LCK: variants seen among roughly 807,000 people sequenced by gnomAD.
LCK encodes LCK proto-oncogene, Src family tyrosine kinase.
Under a neutral mutation model 64.6 loss-of-function variants are expected in LCK, and 14 were observed. The observed-to-expected ratio is 0.22, with a 90% CI of 0.14 to 0.34. LCK has a LOEUF of 0.34. Ranked by LOEUF, LCK falls within the 10% of genes least tolerant of loss-of-function variation. The pLI, the probability that LCK is intolerant of heterozygous loss-of-function variation, is 1.00. For synonymous variants in LCK, 277 were observed against 263.6 expected (o/e 1.05, Z -0.49); for missense variants, 434 against 668.1 (o/e 0.65, Z 3.86).
intron 1 of LCK, among the ~76,000 whole-genome samples, chr1:32,270,760 A>G (rs1157264240): frequency 1.7e-5 from 2 of 116,828 alleles, no homozygotes; most frequent in Non-Finnish European, 3.4e-5. Context: ...CTGGAGTGCA[A>G]TGGCGCAATT....
chr1:32,269,731 C>T (rs951780427), intron 1 of LCK: 1 of 151,776 alleles, frequency 6.6e-6, no homozygotes, highest in Admixed American at 6.6e-5. Flanking sequence ...CGCGCCCAGC[C>T]GAGACTCTAT....
chr1:32,285,130 C>T (rs1283433069), intron 12 of LCK, among the ~76,000 whole-genome samples: 2 of 151,908 alleles, frequency 1.3e-5, no homozygotes, highest in East Asian at 1.9e-4. Flanking sequence ...TGGAGAAACC[C>T]GTCTCTACTA....
At chr1:32,269,738 CTATT>C (rs1265941303) in intron 1 of LCK, 1 of 151,530 alleles carries the variant, frequency 6.6e-6, no homozygotes, top group East Asian at 2.0e-4. Context: ...AGCCGAGACT[CTATT>C]AAAAAAAGAA....
intron 1 of LCK, among the ~76,000 whole-genome samples, chr1:32,252,498 T>A (rs6425795): frequency 0.13 from 19,573 of 152,216 alleles, 2,249 homozygotes; most frequent in African/African-American, 0.28. Flanking sequence ...CCTAGTCAGC[T>A]GGTCCCAGCC....
chr1:32,272,587 A>AAGAGAGAGAGAGAGAGAC (rs1165086234), intron 1 of LCK, among the ~76,000 whole-genome samples: 1 of 131,768 alleles, frequency 7.6e-6, no homozygotes, highest in East Asian at 2.2e-4. Context: ...GAGAGAGAGA[A>AAGAGAGAGAGAGAGAGAC]AGAGAGAGAG....
At chr1:32,270,022 G>A (rs1640033650) in intron 1 of LCK, among the ~76,000 whole-genome samples, 1 of 152,162 alleles carries the variant, frequency 6.6e-6, no homozygotes. Flanking sequence ...CTCTAACTAT[G>A]GGGACAGTCT....
At chr1:32,252,598 AC>A (rs1639534084) in intron 1 of LCK, among the ~76,000 whole-genome samples, 1 of 151,942 alleles carries the variant, frequency 6.6e-6, no homozygotes, top group African/African-American at 2.4e-5. Flanking sequence ...AGGGTCATTC[AC>A]CCTGGACAGG....
Position 32,268,497 on chromosome 1 carries a change from A to T in LCK, c.-5-5828A>T, listed in dbSNP as rs151052227. On this transcript the variant is annotated intron_variant, in intron 1 of 12. Coordinates refer to ENST00000336890, the MANE Select transcript of LCK (RefSeq NM_005356.5). ...CCAGCTAGTTTTTATAATAATAATA[A>T]TAATAAGAGGCTTGCTTGAGGTGAT... 4.0e-5 allele frequency among the ~76,000 whole-genome samples: 6 copies of T among 151,770 alleles called. No individual in the cohort carries two copies. In the East Asian group the frequency reaches 1.2e-3, roughly 29 times the overall value.
chr1:32,259,560 C>T (rs1300564482), intron 1 of LCK, among the ~76,000 whole-genome samples: 1 of 151,446 alleles, frequency 6.6e-6, no homozygotes. Flanking sequence ...GCAGAGGTTG[C>T]AGTGAGCCGA....
In LCK at chr1:32,275,743, G is replaced by T; in HGVS notation, c.481+71G>T. The T allele has an allele frequency of 6.9e-7, 1 of 1,443,734 alleles. No individual in the cohort carries two copies. The allele number at this position is 1,443,734 out of a possible 1,614,324, so 89.4% of individuals were successfully genotyped here. A position where few individuals can be genotyped will look rare whatever the true frequency, so the allele number is the denominator to read the frequency against. ...GTGCCCGAGGGGGGGCGCAGGGTGA[G>T]CCCGAGGTGGAGACACGGGGTGAGT... On this transcript the variant is annotated intron_variant, in intron 6 of 12. Transcript: ENST00000336890. The surrounding 1 kb of genome is among the most constrained non-coding windows in gnomAD (Gnocchi z 6.9).
intron 1 of LCK, among the ~76,000 whole-genome samples, chr1:32,266,631 ACCT>A (rs954829788): frequency 5.7e-5 from 3 of 52,360 alleles, no homozygotes; most frequent in Admixed American, 2.1e-4. Context: ...CTCCTCCTTC[ACCT>A]CCTCCTCCTC....
In LCK at chr1:32,276,841, C is replaced by A; in HGVS notation, c.964+55C>A. ...GATACTGCTCTCCCTGCTGTCCCTG[C>A]CAGAGGGTGGAAATACACCTTTTCT... On this transcript the variant is annotated intron_variant, in intron 9 of 12. Coordinates refer to ENST00000336890, the MANE Select transcript of LCK (RefSeq NM_005356.5). The surrounding 1 kb of genome is among the most constrained non-coding windows in gnomAD (Gnocchi z 4.6). The A allele has an allele frequency of 6.8e-7, 1 of 1,473,698 alleles. No homozygotes were observed. Among genetic ancestry groups the A allele is most frequent in the Non-Finnish European group, 9.1e-7 (1 of 1,096,750 alleles). 91.3% of individuals were successfully genotyped at this position (1,473,698 alleles called of 1,614,324 possible).
At chr1:32,273,492 T>C (rs1192831621) in intron 1 of LCK, among the ~76,000 whole-genome samples, 2 of 151,798 alleles carry the variant, frequency 1.3e-5, no homozygotes, top group East Asian at 3.9e-4. Context: ...GAATGCATGG[T>C]ACATTAAACT....
Position 32,275,070 on chromosome 1 carries a change from C to G in LCK, c.265C>G (p.Arg89Gly). The G allele has an allele frequency of 6.2e-7, 1 of 1,612,164 alleles. No individual in the cohort carries two copies. Among genetic ancestry groups the G allele is most frequent in the Non-Finnish European group, 8.5e-7 (1 of 1,178,572 alleles). ...DLGFEKGEQL[R>G]ILEQSGEWWK... is the part of the protein sequence containing the mutation. ...GGGCTTTGAGAAGGGGGAACAGCTC[C>G]GCATCCTGGAGCAGTGAGTCCCTCT... Residue 89 changes from arginine to glycine, a missense_variant, in exon 4 of 13, where the codon CGC (arginine) becomes GGC (glycine). Physicochemically the swap from Arg to Gly is moderately radical, Grantham distance 125. This residue lies in a region of LCK where 233 missense variants were observed against 291.2 expected (regional missense o/e 0.80). Coordinates refer to ENST00000336890, the MANE Select transcript of LCK (RefSeq NM_005356.5). The surrounding 1 kb of genome is among the most constrained non-coding windows in gnomAD (Gnocchi z 6.9).
chr1:32,261,286 G>A (rs1290974062), intron 1 of LCK, among the ~76,000 whole-genome samples: 1 of 133,522 alleles, frequency 7.5e-6, no homozygotes, highest in Admixed American at 8.4e-5. Context: ...CTCACTCCAT[G>A]GACCAGGCTG....
At position 32,279,870 on chromosome 1, in the gene LCK, G is replaced by A. The variant is rs771701885; in HGVS notation, c.1071G>A (p.Glu357=). 16 of 1,614,132 alleles carry A rather than the reference G, an allele frequency of 9.9e-6. No individual in the cohort carries two copies. Among genetic ancestry groups the A allele is most frequent in the Non-Finnish European group, 1.4e-5 (16 of 1,180,064 alleles). The change falls in exon 11 of 13, where the codon GAG becomes GAA. Residue 357 remains glutamate, a synonymous_variant. Transcript: ENST00000336890. The stretch of plus-strand genomic sequence containing the variant: ...CAGAAGGCATGGCATTCATTGAAGA[G>A]CGGAATTATATTCATCGTGACCTTC... The part of the protein sequence containing the change: ...QIAEGMAFIE[E]RNYIHRDLRA...
At chr1:32,273,104 ATG>A (rs1640154617) in intron 1 of LCK, among the ~76,000 whole-genome samples, 1 of 92,002 alleles carries the variant, frequency 1.1e-5, no homozygotes, top group Non-Finnish European at 2.0e-5. Context: ...GTGTGCATGA[ATG>A]TGTGTGTGGG....
At chr1:32,274,495 A>G (rs1236763912) in intron 2 of LCK, 61 bp downstream of exon 2, 4 of 1,362,028 alleles carry the variant, frequency 2.9e-6, no homozygotes, top group Admixed American at 1.9e-5. Context: ...CCCAGGAGAA[A>G]GAAATGACCA....
At position 32,279,742 on chromosome 1, in the gene LCK, G is replaced by A; in HGVS notation, c.1036G>A (p.Ala346Thr). The change falls in exon 10 of 13, where the codon GCC becomes ACC. Residue 346 changes from alanine (A) to threonine (T), a missense_variant. Physicochemically the swap from Ala to Thr is moderately conservative, Grantham distance 58. Around this residue, in one of 2 missense-constraint regions of LCK, gnomAD observed 201 missense variants for 376.9 expected, o/e 0.53. Coordinates refer to ENST00000336890, the MANE Select transcript of LCK (RefSeq NM_005356.5). Reference sequence around the variant, plus strand: ...CATCAACAAACTCCTGGACATGGCAGCCCAAGTAAGGAGACTGGGGAGGGG... The same window carrying A: ...CATCAACAAACTCCTGGACATGGCAACCCAAGTAAGGAGACTGGGGAGGGG... ...LTINKLLDMA[A>T]QIAEGMAFIE... is the part of the protein sequence containing the mutation. The A allele has an allele frequency of 6.2e-7, 1 of 1,611,802 alleles. No homozygotes were observed. The highest frequency in any genetic ancestry group is 1.3e-5 in the African/African-American group (1 of 75,010).
Sources: gnomAD v4.1 joint callset for allele counts (sites outside exome capture counted in the v4.1 genomes callset) on GRCh38, gnomAD v4.1.1 for gene constraint, gnomAD v4.1.1 regional missense constraint, Gnocchi (gnomAD v3.1) non-coding constraint, MANE v1.5 for transcripts, NCBI Gene and HGNC (gene_info 2026-07-23, HGNC 2026-07-21) for gene names.